GON4L: variants seen among roughly 807,000 people sequenced by gnomAD.
GON4L encodes GON-4-like protein.
In GON4L, 87 loss-of-function variants were observed where a neutral mutation model predicts 211.8. The observed-to-expected ratio is 0.41, with a 90% CI of 0.35 to 0.49. The LOEUF is 0.49. Among genes scored for constraint, GON4L ranks in the 20% least tolerant of loss-of-function variants. The pLI, the probability that GON4L is intolerant of heterozygous loss-of-function variation, is 0.15. For synonymous variants in GON4L, 875 were observed against 962.6 expected (o/e 0.91, Z 1.68); for missense variants, 2,155 against 2,659.5 (o/e 0.81, Z 4.17).
intron 1 of GON4L, among the ~76,000 whole-genome samples, chr1:155,856,857 T>A (rs1672335444): frequency 6.7e-6 from 1 of 149,600 alleles, no homozygotes; most frequent in African/African-American, 2.6e-5. Context: ...AGAATCCACT[T>A]TTTTGGGAAC....
Position 155,791,914 on chromosome 1 carries a change from TAACATAACATCACATAAC to T in GON4L, c.1747+3118_1747+3135del, listed in dbSNP as rs1463285009. On this transcript the variant is annotated intron_variant, in intron 12 of 31. Transcript: ENST00000368331. The stretch of plus-strand genomic sequence containing the variant: ...TAACATAACATAACATAACATAACA[TAACATAACATCACATAAC>T]ATAACATAACATAAAGACAAATAGG... Among the ~76,000 whole-genome samples, 620 of 124,862 alleles carry T rather than the reference TAACATAACATCACATAAC, an allele frequency of 5.0e-3. 8 individuals are homozygous for T. Among genetic ancestry groups the T allele is most frequent in the African/African-American group, 0.02 (569 of 28,492 alleles). 81.9% of individuals were successfully genotyped at this position (124,862 alleles called of 152,430 possible).
At chr1:155,780,077 G>T (rs1484729201) in intron 14 of GON4L, among the ~76,000 whole-genome samples, 2 of 151,994 alleles carry the variant, frequency 1.3e-5, no homozygotes, top group African/African-American at 4.8e-5. Context: ...GGGATTACAG[G>T]CGTGAGCCAC....
chr1:155,799,967 G>A (rs1465702373), intron 11 of GON4L, among the ~76,000 whole-genome samples: 2 of 152,144 alleles, frequency 1.3e-5, no homozygotes, highest in African/African-American at 4.8e-5. Context: ...TTGGGAGGCC[G>A]AGGAGGGCGG....
At chr1:155,785,084 A>G (rs938020163) in intron 13 of GON4L, 1 of 536,728 alleles carries the variant, frequency 1.9e-6, no homozygotes, top group African/African-American at 1.9e-5. Context: ...TGGGTGATGG[A>G]GCAAGAACCC....
upstream of GON4L, among the ~76,000 whole-genome samples, chr1:155,858,729 C>CG (rs1672469429): frequency 9.5e-6 from 1 of 105,290 alleles, no homozygotes; most frequent in Non-Finnish European, 1.8e-5. Context: ...TTTTTTCAGA[C>CG]GGAGTCTTGT....
intron 11 of GON4L, 104 bp downstream of exon 11, chr1:155,804,845 A>T: frequency 2.4e-6 from 2 of 830,988 alleles, no homozygotes; most frequent in Non-Finnish European, 4.3e-6. Context: ...AATACAAATT[A>T]AATCAATTAA....
At chr1:155,851,312 C>T (rs1671770155) in intron 2 of GON4L, among the ~76,000 whole-genome samples, 3 of 151,738 alleles carry the variant, frequency 2.0e-5, no homozygotes, top group Non-Finnish European at 4.4e-5. Context: ...CAAGACTGCG[C>T]CACTGCACTC....
Position 155,783,984 on chromosome 1 carries a change from A to C in GON4L, c.1892+2T>G. ...AAATCTCAAGGTCTTCAACTAGCCT[A>C]CCGTAGAGCTTGAGGGGTGTTAAAG... On this transcript the variant is annotated splice_donor_variant, in intron 14 of 31. Transcript: ENST00000368331. LOFTEE classifies it high-confidence loss of function. 1 of 1,613,502 alleles carries C rather than the reference A, an allele frequency of 6.2e-7. No individual in the cohort carries two copies. The highest frequency in any genetic ancestry group is 2.2e-5 in the East Asian group (1 of 44,888).
chr1:155,771,890 G>A (rs1038246188), intron 18 of GON4L, among the ~76,000 whole-genome samples: 1 of 152,154 alleles, frequency 6.6e-6, no homozygotes, highest in African/African-American at 2.4e-5. Flanking sequence ...AAGGCCAGGC[G>A]CAATGGCTCA....
At chr1:155,811,331 G>A (rs1667742849) in intron 10 of GON4L, among the ~76,000 whole-genome samples, 2 of 123,690 alleles carry the variant, frequency 1.6e-5, no homozygotes, top group South Asian at 2.8e-4. Flanking sequence ...GGCGGAGCTT[G>A]CAGTGAGCCG....
chr1:155,758,497 G>A (rs1661422358), intron 24 of GON4L, among the ~76,000 whole-genome samples: 1 of 152,160 alleles, frequency 6.6e-6, no homozygotes, highest in Non-Finnish European at 1.5e-5. Context: ...ATTAGGCAGG[G>A]GCCGTGGTGT....
At chr1:155,835,546 T>G (rs1302235438) in intron 2 of GON4L, among the ~76,000 whole-genome samples, 1 of 152,140 alleles carries the variant, frequency 6.6e-6, no homozygotes, top group Non-Finnish European at 1.5e-5. Flanking sequence ...GTCTCATGCT[T>G]TTGAGGGTCA....
At chr1:155,814,079 G>T (rs1038189111) in intron 9 of GON4L, among the ~76,000 whole-genome samples, 2 of 152,166 alleles carry the variant, frequency 1.3e-5, no homozygotes, top group African/African-American at 2.4e-5. Context: ...AAAAAGCACA[G>T]ATATGAAAGA....
rs1198333008 is a variant in GON4L, at chr1:155,770,158, G to A, written c.2646+909C>T. ...GCCCAGTAGCTGGAGCTTACAGTGA[G>A]CTATGACTGTACCACTGTACTCCAG... is the stretch of plus-strand genomic sequence containing the variant. On this transcript the variant is annotated intron_variant, in intron 19 of 31. Coordinates refer to ENST00000368331, the MANE Select transcript of GON4L (RefSeq NM_001282860.2). 3.3e-5 allele frequency among the ~76,000 whole-genome samples: 5 copies of A among 151,732 alleles called. No individual in the cohort carries two copies. In the South Asian group the frequency reaches 1.0e-3, roughly 32 times the overall value.
chr1:155,789,173 T>C (rs750657387), intron 12 of GON4L, among the ~76,000 whole-genome samples: 3 of 151,818 alleles, frequency 2.0e-5, no homozygotes, highest in South Asian at 2.1e-4. Context: ...GGAAACTTCC[T>C]GGGGTGAGGA....
At chr1:155,771,553 G>A (rs972121113) in intron 18 of GON4L, among the ~76,000 whole-genome samples, 1 of 152,078 alleles carries the variant, frequency 6.6e-6, no homozygotes, top group Non-Finnish European at 1.5e-5. Flanking sequence ...GCGCACTGCA[G>A]CCTTGAATGC....
intron 12 of GON4L, among the ~76,000 whole-genome samples, chr1:155,786,595 C>G (rs1217330327): frequency 2.0e-5 from 3 of 152,106 alleles, no homozygotes; most frequent in Admixed American, 6.6e-5. Flanking sequence ...GTCTTTGGAT[C>G]TGAACTATTC....
intron 2 of GON4L, among the ~76,000 whole-genome samples, chr1:155,835,571 C>T (rs548577241): frequency 1.3e-5 from 2 of 152,156 alleles, no homozygotes; most frequent in South Asian, 4.1e-4. Context: ...TGGCCACCCC[C>T]TAGGTGCTCT....
At position 155,777,798 on chromosome 1, in the gene GON4L, G is replaced by A. The variant is rs764763932; in HGVS notation, c.1915C>T (p.Leu639=). The A allele has an allele frequency of 1.9e-6, 3 of 1,612,616 alleles. No homozygotes were observed. Among genetic ancestry groups the A allele is most frequent in the Non-Finnish European group, 2.5e-6 (3 of 1,178,930 alleles). The part of the protein sequence containing the change: ...ALRFEEPLAN[L]LNEQHRTVKE... ...ACTGTCCGATGTTGTTCATTTAACA[G>A]GTTGGCCAGTGGTTCCTCAAACCTA... Residue 639 remains leucine (L), a synonymous_variant, in exon 15 of 32, where the codon CTG becomes TTG. Coordinates refer to ENST00000368331, the MANE Select transcript of GON4L (RefSeq NM_001282860.2).
Sources: gnomAD v4.1 joint callset for allele counts (sites outside exome capture counted in the v4.1 genomes callset) on GRCh38, gnomAD v4.1.1 for gene constraint, MANE v1.5 for transcripts, NCBI Gene and HGNC (gene_info 2026-07-23, HGNC 2026-07-21) for gene names.